Variants in ZNF222 observed in about 807,000 individuals in gnomAD.
The protein encoded by ZNF222 is zinc finger protein 222.
ZNF222 carries 8 observed loss-of-function variants against 11.6 expected under a neutral mutation model. The observed-to-expected ratio is 0.69, with a 90% CI of 0.41 to 1.25. The LOEUF (loss-of-function observed/expected upper bound fraction) is 1.25. Among genes scored for constraint, ZNF222 ranks in the 50% most tolerant of loss-of-function variants. The pLI is 0.01. For synonymous variants in ZNF222, 171 were observed against 195.6 expected, an observed-to-expected ratio of 0.87 and a Z score of 1.05; for missense variants, 483 against 576.1, an observed-to-expected ratio of 0.84 and a Z score of 1.65.
In ZNF222 at chr19:44,025,559, G is replaced by C; in HGVS notation, c.42+81G>C. 6.9e-7 allele frequency: 1 copy of C among 1,439,650 alleles called. No individual in the cohort carries two copies. The highest frequency in any genetic ancestry group is 1.4e-5 in the South Asian group (1 of 70,636). The allele number at this position is 1,439,650 out of a possible 1,614,324, so 89.2% of individuals were successfully genotyped here. A position where few individuals can be genotyped will look rare whatever the true frequency, so the allele number is the denominator to read the frequency against. On this transcript the variant is annotated intron_variant, in intron 1 of 3. Coordinates refer to ENST00000391960, the MANE Select transcript of ZNF222 (RefSeq NM_001129996.2). This position sits in a 1 kb window ranked among gnomAD's most constrained non-coding sequence, Gnocchi z 4.6. ...CGGGGGGCTCTGCTAGGGTCTCAGGGAGTGGGATTGGCGCGGCCCGGTGTG... is the reference window on the plus strand; with the variant it reads ...CGGGGGGCTCTGCTAGGGTCTCAGGCAGTGGGATTGGCGCGGCCCGGTGTG...
Position 44,026,408 on chromosome 19 carries a change from G to GT in ZNF222, c.43-614dup, listed in dbSNP as rs535104761. The stretch of plus-strand genomic sequence containing the variant: ...TACTAGCTGGGAACAGGTGGAGAAC[G>GT]TAAGTTAGGACTTGATTGAAGGCAC... On this transcript the variant is annotated intron_variant, in intron 1 of 3. Transcript: ENST00000391960. Among the ~76,000 whole-genome samples the GT allele has an allele frequency of 3.8e-3, 573 of 152,222 alleles. 6 individuals are homozygous for GT. The highest frequency in any genetic ancestry group is 0.013 in the African/African-American group (549 of 41,528).
chr19:44,027,466 A>G lies in ZNF222; in HGVS notation c.238A>G (p.Thr80Ala). 6.2e-7 allele frequency: 1 copy of G among 1,614,106 alleles called. No individual in the cohort carries two copies. The highest frequency in any genetic ancestry group is 1.3e-5 in the African/African-American group (1 of 75,030). The change falls in exon 3 of 4, where the codon ACA becomes GCA. Residue 80 changes from threonine to alanine, a missense_variant. Transcript: ENST00000391960. ...AGAAAAGTTTTGGGTGATGGGGACA[A>G]CAAGCCAAAGAGAAGGGAATTTGGG... ...REEKFWVMGT[T>A]SQREGNLGGK...
intron 1 of ZNF222, among the ~76,000 whole-genome samples, chr19:44,026,273 A>G (rs570314915): frequency 8.5e-6 from 1 of 118,260 alleles, no homozygotes; most frequent in East Asian, 2.1e-4. Context: ...TGCTTTTTTC[A>G]TTTTAAAGAT....
In ZNF222 at chr19:44,025,468, G is replaced by A. The variant is rs1406487325; in HGVS notation, c.32G>A (p.Arg11Gln). The A allele has an allele frequency of 6.5e-7, 1 of 1,549,980 alleles. No individual in the cohort carries two copies. The highest frequency in any genetic ancestry group is 2.0e-5 in the Admixed American group (1 of 50,586). Residue 11 changes from arginine to glutamine, a missense_variant, in exon 1 of 4, where the codon CGG (arginine) becomes CAG (glutamine). Transcript: ENST00000391960. The surrounding 1 kb of genome is among the most constrained non-coding windows in gnomAD (Gnocchi z 4.6). MIDSGEKKPG[R>Q]RAEEAVTFKD... ...GATTCAGGAGAAAAGAAGCCTGGGC[G>A]GAGAGCAGAGGTTTGGAGGGGCGCG...
In ZNF222 at chr19:44,026,556, A is replaced by ATTTTTTT. The variant is rs200711054; in HGVS notation, c.43-462_43-456dup. 3.4e-3 allele frequency among the ~76,000 whole-genome samples: 343 copies of ATTTTTTT among 101,878 alleles called. 1 individual carries two copies. Among genetic ancestry groups the ATTTTTTT allele is most frequent in the African/African-American group, 9.9e-3 (285 of 28,698 alleles). The allele number at this position is 101,878 out of a possible 152,430, so 66.8% of individuals were successfully genotyped here. ...TCTCTCTCTCTCTATATATATATAT[A>ATTTTTTT]TTTTTTTTTTTACAGAGTTTCGCTC... On this transcript the variant is annotated intron_variant, in intron 1 of 3. Coordinates refer to ENST00000391960, the MANE Select transcript of ZNF222 (RefSeq NM_001129996.2).
chr19:44,029,580 G>T (rs73933983), intron 3 of ZNF222, among the ~76,000 whole-genome samples: 1 of 152,074 alleles, frequency 6.6e-6, no homozygotes, highest in Non-Finnish European at 1.5e-5. Context: ...TTTTCATCTG[G>T]TGAACTTTAT....
rs1252877372 is a variant in ZNF222, at chr19:44,033,002, T to C, written c.1448T>C (p.Ile483Thr). 3 of 1,553,280 alleles carry C rather than the reference T, an allele frequency of 1.9e-6. No homozygotes were observed. The Admixed American group carries it at 6.6e-5, about 34-fold the overall frequency. The part of the protein sequence containing the change: ...RYKRRLNLDI[I>T]LSLFLNDI ...AAGAGGCGCTTGAATCTGGATATAA[T>C]TTTATCATTATTTTTAAATGACATA... is the stretch of plus-strand genomic sequence containing the variant. The change falls in exon 4 of 4, where the codon ATT (isoleucine) becomes ACT (threonine). Residue 483 changes from isoleucine (I) to threonine (T), a missense_variant. Coordinates refer to ENST00000391960, the MANE Select transcript of ZNF222 (RefSeq NM_001129996.2).
Position 44,025,426 on chromosome 19 carries a change from G to A in ZNF222, c.-11G>A, listed in dbSNP as rs533898692. 3.7e-5 allele frequency: 58 copies of A among 1,551,550 alleles called. No homozygotes were observed. In the Admixed American group the frequency reaches 8.0e-4, roughly 22 times the overall value. ...AACGAGTCTCCTTTCCTTGGGGCTC[G>A]CAACCACCCAATGATCGATTCAGGA... On this transcript the variant is annotated 5_prime_UTR_variant, in exon 1 of 4. Transcript: ENST00000391960. This position sits in a 1 kb window ranked among gnomAD's most constrained non-coding sequence, Gnocchi z 4.6.
At chr19:44,028,070 C>G (rs1362649572) in intron 3 of ZNF222, 1 of 400,490 alleles carries the variant, frequency 2.5e-6, no homozygotes, top group East Asian at 3.6e-5. Context: ...TTACCAGTCT[C>G]TAGTCACTGT....
chr19:44,031,261 T>C (rs1252422237), intron 3 of ZNF222, among the ~76,000 whole-genome samples: 1 of 152,216 alleles, frequency 6.6e-6, no homozygotes, highest in African/African-American at 2.4e-5. Context: ...TAAATAAGTA[T>C]TTTATTTCTA....
In ZNF222 at chr19:44,032,653, T is replaced by A; in HGVS notation, c.1099T>A (p.Tyr367Asn). Residue 367 changes from tyrosine to asparagine, a missense_variant, in exon 4 of 4, where the codon TAT becomes AAT. Tyr to Asn is a moderately radical substitution (Grantham distance 143, BLOSUM62 -2). Coordinates refer to ENST00000391960, the MANE Select transcript of ZNF222 (RefSeq NM_001129996.2). The stretch of plus-strand genomic sequence containing the variant: ...TGGGAAGAGCTTCAAATGGTCCTCA[T>A]ATCTTTTGGTCCATCAACGAGTCCA... ...ECGKSFKWSS[Y>N]LLVHQRVHTG... 1 of 1,613,792 alleles carries A rather than the reference T, an allele frequency of 6.2e-7. No individual in the cohort carries two copies. The highest frequency in any genetic ancestry group is 8.5e-7 in the Non-Finnish European group (1 of 1,179,930).
rs943571455 is a variant in ZNF222, at chr19:44,025,799, A to G, written c.42+321A>G. The stretch of plus-strand genomic sequence containing the variant: ...GAGAGCCTTAAAAGCAGTCCCTGTC[A>G]CTCGGTGTCTGGTGGTCTCTTGTTA... On this transcript the variant is annotated intron_variant, in intron 1 of 3. Coordinates refer to ENST00000391960, the MANE Select transcript of ZNF222 (RefSeq NM_001129996.2). This position sits in a 1 kb window ranked among gnomAD's most constrained non-coding sequence, Gnocchi z 4.6. 3.3e-5 allele frequency among the ~76,000 whole-genome samples: 5 copies of G among 151,706 alleles called. No homozygotes were observed. The highest frequency in any genetic ancestry group is 1.2e-4 in the African/African-American group (5 of 41,274).
chr19:44,030,921 ATAT>A (rs746626922), intron 3 of ZNF222: 1 of 152,112 alleles, frequency 6.6e-6, no homozygotes, highest in Non-Finnish European at 1.5e-5. Context: ...ACCCTAAATA[ATAT>A]TGTTTCACTA....
At position 44,027,659 on chromosome 19, in the gene ZNF222, G is replaced by A. The variant is rs565830192; in HGVS notation, c.262+169G>A. The stretch of plus-strand genomic sequence containing the variant: ...TTCCCACCCTGCCATCTGTTCTTAC[G>A]GTAGCCAAAGTGATCCGTAGGAAAC... On this transcript the variant is annotated intron_variant, in intron 3 of 3. Transcript: ENST00000391960. Among the ~76,000 whole-genome samples, 7 of 133,354 alleles carry A rather than the reference G, an allele frequency of 5.2e-5. No homozygotes were observed. The Middle Eastern group carries it at 0.014, about 270-fold the overall frequency. The allele number at this position is 133,354 out of a possible 152,430, so 87.5% of individuals were successfully genotyped here. A position where few individuals can be genotyped will look rare whatever the true frequency, so the allele number is the denominator to read the frequency against.
chr19:44,031,671 CAG>C (rs1415188300), intron 3 of ZNF222, 144 bp from the exon 4 acceptor site: 10 of 820,558 alleles, frequency 1.2e-5, no homozygotes, highest in Middle Eastern at 3.5e-4. Flanking sequence ...TTAGTAGAGA[CAG>C]GGCATCACCA....
chr19:44,032,735 C>T lies in ZNF222; in HGVS notation c.1181C>T (p.Ser394Leu), dbSNP rs1362733435. The T allele has an allele frequency of 8.1e-6, 13 of 1,613,914 alleles. No homozygotes were observed. Among genetic ancestry groups the T allele is most frequent in the Non-Finnish European group, 8.5e-6 (10 of 1,180,026 alleles). ...EECGKGYISK[S>L]GLDFHHRTHT... The stretch of plus-strand genomic sequence containing the variant: ...TGTGGGAAGGGCTACATTAGTAAGT[C>T]AGGTCTTGACTTCCACCATAGAACC... Residue 394 changes from serine to leucine, a missense_variant, in exon 4 of 4, where the codon TCA becomes TTA. Transcript: ENST00000391960.
In ZNF222 at chr19:44,031,999, A is replaced by G. The variant is rs368459134; in HGVS notation, c.445A>G (p.Thr149Ala). The change falls in exon 4 of 4, where the codon ACA becomes GCA. Residue 149 changes from threonine to alanine, a missense_variant. Thr to Ala is a moderately conservative substitution (Grantham distance 58). Transcript: ENST00000391960. Reference protein sequence around the residue: ...NPSQIKARLSTVHTREKPFQG... With the variant: ...NPSQIKARLSAVHTREKPFQG... The stretch of plus-strand genomic sequence containing the variant: ...CTCCCAGATTAAAGCAAGACTATCT[A>G]CAGTTCACACAAGAGAAAAACCTTT... 13 of 1,614,138 alleles carry G rather than the reference A, an allele frequency of 8.1e-6. No individual in the cohort carries two copies. Among genetic ancestry groups the G allele is most frequent in the Non-Finnish European group, 1.1e-5 (13 of 1,180,054 alleles).
intron 3 of ZNF222, among the ~76,000 whole-genome samples, chr19:44,028,569 G>A (rs1976429088): frequency 6.6e-6 from 1 of 152,042 alleles, no homozygotes; most frequent in Non-Finnish European, 1.5e-5. Context: ...ACTCTTCTTG[G>A]CCTGCCTGTG....
intron 1 of ZNF222, chr19:44,026,210 G>C (rs1341700504): frequency 2.1e-6 from 2 of 969,618 alleles, no homozygotes; most frequent in Non-Finnish European, 3.2e-6. Context: ...TTTATTCCAA[G>C]TACTTTATAC....
Sources: gnomAD v4.1 joint callset for allele counts (sites outside exome capture counted in the v4.1 genomes callset) on GRCh38, gnomAD v4.1.1 for gene constraint, Gnocchi (gnomAD v3.1) non-coding constraint, MANE v1.5 for transcripts, NCBI Gene and HGNC (gene_info 2026-07-23, HGNC 2026-07-21) for gene names.